RMND1: variants seen among roughly 807,000 people sequenced by gnomAD.
The protein encoded by RMND1 is required for meiotic nuclear division protein 1 homolog.
In RMND1, 41 loss-of-function variants were observed where a neutral mutation model predicts 54.0. The observed-to-expected ratio is 0.76, with a 90% CI of 0.59 to 0.98. The LOEUF is 0.98. Ranked by LOEUF, RMND1 falls within the 50% of genes least tolerant of loss-of-function variation. The pLI is 0.00. For missense variants in RMND1, 457 were observed against 532.0 expected, an observed-to-expected ratio of 0.86 and a Z score of 1.39; for synonymous variants, 183 against 181.7, an observed-to-expected ratio of 1.01 and a Z score of -0.06.
At chr6:151,417,535 G>A (rs1247943234) in intron 9 of RMND1, 136 bp from the exon 10 acceptor site, 24 of 617,508 alleles carry the variant, frequency 3.9e-5, no homozygotes, top group Non-Finnish European at 5.9e-5. Flanking sequence ...TATGTTACCC[G>A]GGATGGAGTG....
In RMND1 at chr6:151,422,570, A is replaced by G; in HGVS notation, c.973T>C (p.Phe325Leu). ...GGAATTGACTGAATAGATTCAATAAATTTATCCAGTGATGCTTCCCAAATT... is the reference window on the plus strand; with the variant it reads ...GGAATTGACTGAATAGATTCAATAAGTTTATCCAGTGATGCTTCCCAAATT... ...LAIWEASLDK[F>L]IESIQSIPEA... The change falls in exon 8 of 12, where the codon TTT becomes CTT. Residue 325 changes from phenylalanine to leucine, a missense_variant. Physicochemically the swap from Phe to Leu is conservative, Grantham distance 22. Coordinates refer to ENST00000444024, the MANE Select transcript of RMND1 (RefSeq NM_017909.4). The G allele has an allele frequency of 6.5e-7, 1 of 1,543,800 alleles. No individual in the cohort carries two copies. Among genetic ancestry groups the G allele is most frequent in the South Asian group, 1.2e-5 (1 of 81,486 alleles).
chr6:151,448,637 T>A (rs1420798457), intron 1 of RMND1, among the ~76,000 whole-genome samples: 3 of 152,216 alleles, frequency 2.0e-5, no homozygotes, highest in Non-Finnish European at 4.4e-5. Flanking sequence ...CAAACTGCTA[T>A]CCTTCCCATG....
chr6:151,433,883 G>A (rs1780518398), intron 3 of RMND1, among the ~76,000 whole-genome samples: 1 of 150,352 alleles, frequency 6.7e-6, no homozygotes, highest in African/African-American at 2.5e-5. Context: ...CTCCCAGGCT[G>A]AAGCGCAGTG....
At chr6:151,444,977 T>C in intron 2 of RMND1, 1 of 203,488 alleles carries the variant, frequency 4.9e-6, no homozygotes, top group Non-Finnish European at 9.7e-6. Context: ...TAGTTTGTTT[T>C]TTTTTATTTT....
At chr6:151,427,624 C>G in intron 5 of RMND1, 42 bp from the exon 6 acceptor site, 1 of 1,234,248 alleles carries the variant, frequency 8.1e-7, no homozygotes, top group Non-Finnish European at 1.2e-6. Flanking sequence ...TAACTGACTC[C>G]CTCAGTTCAA....
intron 8 of RMND1, 126 bp from the exon 9 acceptor site, chr6:151,421,447 T>A (rs1780148784): frequency 1.6e-6 from 1 of 610,156 alleles, no homozygotes; most frequent in African/African-American, 1.9e-5. Flanking sequence ...TTAGGATGGC[T>A]GTCTCCCAGA....
intron 10 of RMND1, 121 bp from the exon 11 acceptor site, chr6:151,405,957 C>T (rs1222112740): frequency 3.9e-6 from 2 of 509,626 alleles, no homozygotes; most frequent in African/African-American, 3.9e-5. Flanking sequence ...AAGGCAGCCA[C>T]CAACATTATC....
intron 1 of RMND1, among the ~76,000 whole-genome samples, chr6:151,446,918 A>G (rs1780968933): frequency 6.6e-6 from 1 of 151,776 alleles, no homozygotes. Flanking sequence ...AAAAAAAGTT[A>G]GACCGTAGTA....
intron 2 of RMND1, chr6:151,436,880 G>A (rs147777919): frequency 2.7e-4 from 41 of 151,640 alleles, no homozygotes; most frequent in African/African-American, 1.4e-3. Flanking sequence ...GGCATCACAT[G>A]GGTGACTGGA....
intron 10 of RMND1, among the ~76,000 whole-genome samples, chr6:151,410,118 A>G (rs1020662988): frequency 2.0e-5 from 3 of 150,132 alleles, no homozygotes; most frequent in Non-Finnish European, 4.4e-5. Context: ...GCAGTGGCAC[A>G]ATCTCCGCTC....
chr6:151,408,871 C>T (rs1447393982), intron 10 of RMND1: 1 of 152,226 alleles, frequency 6.6e-6, no homozygotes, highest in Non-Finnish European at 1.5e-5. Flanking sequence ...GAATCAACAT[C>T]TTAACTTTAG....
intron 6 of RMND1, among the ~76,000 whole-genome samples, chr6:151,425,064 TC>T (rs1780257338): frequency 6.6e-6 from 1 of 152,156 alleles, no homozygotes; most frequent in Non-Finnish European, 1.5e-5. Flanking sequence ...TGCCTCAGCC[TC>T]CTGAGTAGCT....
At position 151,405,152 on chromosome 6, in the gene RMND1, G is replaced by A. The variant is rs1205226167; in HGVS notation, c.*83C>T. ...CCGAAAGTGCTGGGATTACAGGCATGAGGCACCGCGCCGGGCCGAACATTT... is the reference window on the plus strand; with the variant it reads ...CCGAAAGTGCTGGGATTACAGGCATAAGGCACCGCGCCGGGCCGAACATTT... On this transcript the variant is annotated 3_prime_UTR_variant, in exon 12 of 12. Coordinates refer to ENST00000444024, the MANE Select transcript of RMND1 (RefSeq NM_017909.4). 1 of 1,257,274 alleles carries A rather than the reference G, an allele frequency of 8.0e-7. No individual in the cohort carries two copies. 77.9% of individuals were successfully genotyped at this position (1,257,274 alleles called of 1,614,324 possible). A position where few individuals can be genotyped will look rare whatever the true frequency, so the allele number is the denominator to read the frequency against.
chr6:151,445,683 T>C lies in RMND1; in HGVS notation c.129A>G (p.Thr43=). 3 of 1,614,162 alleles carry C rather than the reference T, an allele frequency of 1.9e-6. No individual in the cohort carries two copies. The highest frequency in any genetic ancestry group is 1.7e-5 in the Admixed American group (1 of 60,012). The change falls in exon 2 of 12, where the codon ACA becomes ACG. Residue 43 remains threonine (T), a synonymous_variant. Transcript: ENST00000444024. ...AATCCAAGCTTTGACGTATTGTCAG[T>C]GTGCTGCATGTTGTATTTTCAAATT... The part of the protein sequence containing the change: ...LKEFENTTCS[T]LTIRQSLDLF...
At chr6:151,435,371 C>T (rs1230772555) in intron 3 of RMND1, among the ~76,000 whole-genome samples, 1 of 151,984 alleles carries the variant, frequency 6.6e-6, no homozygotes. Context: ...GTCTCGAACT[C>T]CTGACCTCAA....
At chr6:151,425,230 A>G (rs1295055315) in intron 6 of RMND1, among the ~76,000 whole-genome samples, 1 of 152,186 alleles carries the variant, frequency 6.6e-6, no homozygotes, top group Non-Finnish European at 1.5e-5. Flanking sequence ...GGCATGAGCC[A>G]CTGTGCTTGG....
chr6:151,437,820 C>T (rs1230825637), intron 2 of RMND1, among the ~76,000 whole-genome samples: 1 of 152,148 alleles, frequency 6.6e-6, no homozygotes, highest in Non-Finnish European at 1.5e-5. Context: ...TGTTCCACAG[C>T]TCTGATGCGT....
intron 1 of RMND1, among the ~76,000 whole-genome samples, chr6:151,446,880 G>A (rs889163146): frequency 9.4e-5 from 14 of 149,126 alleles, no homozygotes; most frequent in South Asian, 4.3e-4. Context: ...CAGCCTGGGC[G>A]ACAGAATGAG....
Position 151,445,552 on chromosome 6 carries a change from C to T in RMND1, c.260G>A (p.Arg87His), listed in dbSNP as rs142059662. The change falls in exon 2 of 12, where the codon CGT (arginine) becomes CAT (histidine). Residue 87 changes from arginine (R) to histidine (H), a missense_variant. By Grantham distance (29) the Arg-to-His change is conservative. Coordinates refer to ENST00000444024, the MANE Select transcript of RMND1 (RefSeq NM_017909.4). ...AAGGTGTGCCTTTTCATCTTGGCAACGAGCAGCATTTAATGGAGACAGCAT... is the reference window on the plus strand; with the variant it reads ...AAGGTGTGCCTTTTCATCTTGGCAATGAGCAGCATTTAATGGAGACAGCAT... ...TSMLSPLNAA[R>H]CQDEKAHLPT... is the part of the protein sequence containing the mutation. 317 of 1,614,068 alleles carry T rather than the reference C, an allele frequency of 2.0e-4. No individual in the cohort carries two copies. Among genetic ancestry groups the T allele is most frequent in the Non-Finnish European group, 2.6e-4 (303 of 1,180,042 alleles).
Sources: gnomAD v4.1 joint callset for allele counts (sites outside exome capture counted in the v4.1 genomes callset) on GRCh38, gnomAD v4.1.1 for gene constraint, MANE v1.5 for transcripts, NCBI Gene and HGNC (gene_info 2026-07-23, HGNC 2026-07-21) for gene names.